NTN1: variants seen among roughly 807,000 people sequenced by gnomAD.
NTN1 encodes the protein netrin 1.
A neutral mutation model predicts 54.2 loss-of-function variants in NTN1; 11 were observed. The observed-to-expected ratio is 0.20, with a 90% CI of 0.13 to 0.34. The LOEUF is 0.34. Ranked by LOEUF, NTN1 falls within the 10% of genes least tolerant of loss-of-function variation. The probability of loss-of-function intolerance (pLI) is 1.00; values close to 1 mark genes in which losing one functional copy is unlikely to be tolerated. For missense variants in NTN1, 740 were observed against 893.1 expected, an observed-to-expected ratio of 0.83 and a Z score of 2.18; for synonymous variants, 371 against 382.0, an observed-to-expected ratio of 0.97 and a Z score of 0.33.
chr17:9,209,908 G>T (rs991096008), intron 5 of NTN1, among the ~76,000 whole-genome samples: 3 of 152,046 alleles, frequency 2.0e-5, no homozygotes, highest in Non-Finnish European at 4.4e-5. Context: ...GTAACCTTGG[G>T]CATGAGGTGG....
At chr17:9,218,277 C>T (rs919424311) in intron 5 of NTN1, among the ~76,000 whole-genome samples, 3 of 152,196 alleles carry the variant, frequency 2.0e-5, no homozygotes, top group African/African-American at 7.2e-5. Context: ...CGACCTTGAG[C>T]TGGTGAGTCA....
chr17:9,181,225 C>T (rs1432174757), intron 4 of NTN1, among the ~76,000 whole-genome samples: 5 of 152,166 alleles, frequency 3.3e-5, no homozygotes, highest in African/African-American at 1.2e-4. Flanking sequence ...CCTGGGGCTC[C>T]ATCCTGGAAT....
chr17:9,018,493 G>A (rs566991904), upstream of NTN1, among the ~76,000 whole-genome samples: 2 of 152,138 alleles, frequency 1.3e-5, no homozygotes, highest in South Asian at 2.1e-4. Context: ...AATTAGCCAG[G>A]TGTGGTGGTG....
intron 2 of NTN1, among the ~76,000 whole-genome samples, chr17:9,110,113 A>G (rs72811927): frequency 0.089 from 13,480 of 152,000 alleles, 766 homozygotes; most frequent in Non-Finnish European, 0.12. Context: ...TGCTTCATCA[A>G]ATGCTTAAAC....
rs536088576 is a variant in NTN1, at chr17:9,068,982, C to T, written c.1018+45591C>T. Among the ~76,000 whole-genome samples the T allele has an allele frequency of 9.1e-4, 139 of 152,210 alleles. 1 individual carries two copies. Among genetic ancestry groups the T allele is most frequent in the African/African-American group, 3.1e-3 (128 of 41,512 alleles). Reference sequence around the variant, plus strand: ...CCCACGGCTCTCTTCCCAGCTGGTGCCTTGCACTCAGCATGCATCCACCCC... The same window carrying T: ...CCCACGGCTCTCTTCCCAGCTGGTGTCTTGCACTCAGCATGCATCCACCCC... On this transcript the variant is annotated intron_variant, in intron 2 of 6. Coordinates refer to ENST00000173229, the MANE Select transcript of NTN1 (RefSeq NM_004822.3).
intron 2 of NTN1, among the ~76,000 whole-genome samples, chr17:9,085,197 A>G (rs1410255865): frequency 1.3e-5 from 2 of 152,144 alleles, no homozygotes; most frequent in African/African-American, 4.8e-5. Flanking sequence ...TGGGGTAAGT[A>G]GGCAGTGCTG....
intron 2 of NTN1, among the ~76,000 whole-genome samples, chr17:9,075,022 T>C (rs62069328): frequency 7.0e-4 from 106 of 152,340 alleles, no homozygotes; most frequent in Non-Finnish European, 1.4e-3. Flanking sequence ...CCTCAACATG[T>C]TGTGGTCGGG....
intron 2 of NTN1, among the ~76,000 whole-genome samples, chr17:9,113,224 A>C (rs535414677): frequency 1.3e-5 from 2 of 151,796 alleles, no homozygotes; most frequent in Admixed American, 6.6e-5. Context: ...GGGTTTCACT[A>C]TCTTGGCCAG....
chr17:9,188,295 G>A (rs1904339536), intron 5 of NTN1, among the ~76,000 whole-genome samples: 1 of 151,982 alleles, frequency 6.6e-6, no homozygotes, highest in African/African-American at 2.4e-5. Flanking sequence ...GGATGTGGTG[G>A]TGCATGCCTA....
chr17:9,020,133 C>A (rs900890966), upstream of NTN1, among the ~76,000 whole-genome samples: 6 of 152,152 alleles, frequency 3.9e-5, no homozygotes, highest in African/African-American at 7.2e-5. Context: ...GCCCCGAGGC[C>A]CCTTCTTAGA....
At chr17:9,072,027 C>G (rs892874375) in intron 2 of NTN1, among the ~76,000 whole-genome samples, 1 of 152,180 alleles carries the variant, frequency 6.6e-6, no homozygotes, top group African/African-American at 2.4e-5. Flanking sequence ...TGAGCACACA[C>G]GCAGCCCCGA....
At chr17:9,175,883 G>A (rs996387367) in intron 3 of NTN1, 1 of 152,206 alleles carries the variant, frequency 6.6e-6, no homozygotes. Flanking sequence ...CGGGTTGATT[G>A]TTTCCCATGG....
At chr17:9,101,109 G>A (rs1597487801) in intron 2 of NTN1, among the ~76,000 whole-genome samples, 1 of 152,162 alleles carries the variant, frequency 6.6e-6, no homozygotes, top group East Asian at 1.9e-4. Context: ...TATTTGTGGT[G>A]TTTATCACAT....
chr17:9,226,705 C>G (rs1465381105), intron 6 of NTN1, among the ~76,000 whole-genome samples: 1 of 152,102 alleles, frequency 6.6e-6, no homozygotes, highest in Non-Finnish European at 1.5e-5. Context: ...TATTTTCAAG[C>G]ATATTCGCGA....
chr17:9,198,501 T>C (rs1053543016), intron 5 of NTN1, among the ~76,000 whole-genome samples: 10 of 152,218 alleles, frequency 6.6e-5, no homozygotes, highest in African/African-American at 2.4e-4. Context: ...ACCTCTGCTA[T>C]ACTTGGTAGG....
intron 3 of NTN1, chr17:9,176,321 G>A (rs1479138591): frequency 1.3e-5 from 2 of 152,494 alleles, no homozygotes; most frequent in Non-Finnish European, 2.9e-5. Flanking sequence ...ATTAGTAGGA[G>A]TCTGCTTGTA....
chr17:9,006,078 T>C, the NTN1 span, among the ~76,000 whole-genome samples: 1 of 143,094 alleles, frequency 7.0e-6, no homozygotes, highest in African/African-American at 2.6e-5. Flanking sequence ...TTCAGCATGC[T>C]GGGGTTTGGA....
chr17:9,065,335 C>T (rs1474689755), intron 2 of NTN1, among the ~76,000 whole-genome samples: 1 of 152,188 alleles, frequency 6.6e-6, no homozygotes, highest in Non-Finnish European at 1.5e-5. Flanking sequence ...TGACCCCAGC[C>T]TGCCTCTCCT....
chr17:9,006,353 G>A, the NTN1 span, among the ~76,000 whole-genome samples: 1 of 152,166 alleles, frequency 6.6e-6, no homozygotes, highest in Admixed American at 6.6e-5. Flanking sequence ...GCTGCGAGTC[G>A]CTGAGACTAT....
Sources: allele counts gnomAD v4.1 joint callset (sites outside exome capture counted in the v4.1 genomes callset), GRCh38; gene constraint gnomAD v4.1.1; transcripts MANE v1.5; gene names NCBI Gene and HGNC (gene_info 2026-07-23, HGNC 2026-07-21).